Variants in MARCHF1 observed in about 807,000 individuals in gnomAD.
MARCHF1 encodes the protein E3 ubiquitin-protein ligase MARCHF1.
A neutral mutation model predicts 54.2 loss-of-function variants in MARCHF1; 40 were observed. The ratio of observed to expected loss-of-function variants is 0.74; its 90% CI spans 0.57 to 0.96. MARCHF1 has a LOEUF of 0.96. Among genes scored for constraint, MARCHF1 ranks in the 40% least tolerant of loss-of-function variants. The probability of loss-of-function intolerance (pLI) is 0.00; values close to 1 mark genes in which losing one functional copy is unlikely to be tolerated. For synonymous variants in MARCHF1, 236 were observed against 236.3 expected (o/e 1.00, Z 0.01); for missense variants, 586 against 656.5 (o/e 0.89, Z 1.17).
chr4:163,700,232 C>T (rs12502172), intron 5 of MARCHF1, among the ~76,000 whole-genome samples: 46,449 of 151,928 alleles, frequency 0.31, 8,927 homozygotes, highest in Non-Finnish European at 0.44. Context: ...ATTGGCCAGA[C>T]ATGGTGGCTC....
chr4:164,089,027 C>T (rs1452650846), intron 2 of MARCHF1, among the ~76,000 whole-genome samples: 1 of 152,162 alleles, frequency 6.6e-6, no homozygotes, highest in Non-Finnish European at 1.5e-5. Flanking sequence ...AATGATCCTT[C>T]ACATGCTCCT....
chr4:163,789,532 T>C (rs1579288507), intron 4 of MARCHF1, among the ~76,000 whole-genome samples: 1 of 152,096 alleles, frequency 6.6e-6, no homozygotes, highest in Middle Eastern at 3.4e-3. Context: ...AAAATTTTAA[T>C]AAAGACTTTT....
intron 1 of MARCHF1, among the ~76,000 whole-genome samples, chr4:164,113,805 C>A (rs1755884623): frequency 6.6e-6 from 1 of 151,918 alleles, no homozygotes; most frequent in Admixed American, 6.6e-5. Flanking sequence ...TTGGAAAGAA[C>A]AAGGATGTAA....
chr4:164,143,379 C>A (rs1353636571), intron 1 of MARCHF1, among the ~76,000 whole-genome samples: 7 of 146,288 alleles, frequency 4.8e-5, no homozygotes, highest in African/African-American at 1.8e-4. Context: ...GTCAGATTCA[C>A]CAAAGTTGAA....
intron 1 of MARCHF1, among the ~76,000 whole-genome samples, chr4:164,163,312 T>C (rs1730289605): frequency 6.6e-6 from 1 of 151,994 alleles, no homozygotes; most frequent in South Asian, 2.1e-4. Context: ...AAAGACAGCA[T>C]ACAAGTAAGA....
intron 1 of MARCHF1, among the ~76,000 whole-genome samples, chr4:164,118,780 G>A (rs1490131435): frequency 6.6e-6 from 1 of 151,186 alleles, no homozygotes; most frequent in East Asian, 1.9e-4. Context: ...TCTGAAATAA[G>A]AAAGTAAAAT....
At position 163,815,462 on chromosome 4, in the gene MARCHF1, A is replaced by C. The variant is rs898970851; in HGVS notation, c.111+38559T>G. ...TCTTCATTGATTGCATTAAATCATC[A>C]CAACAGGCTTTGATGAGTTTTATCG... On this transcript the variant is annotated intron_variant, in intron 4 of 9. Coordinates refer to ENST00000514618, the MANE Select transcript of MARCHF1 (RefSeq NM_001394959.1). Among the ~76,000 whole-genome samples, 19 of 152,314 alleles carry C rather than the reference A, an allele frequency of 1.2e-4. No homozygotes were observed. In the Middle Eastern group the frequency reaches 0.01, roughly 82 times the overall value.
At chr4:163,794,258 A>G (rs1747851594) in intron 4 of MARCHF1, among the ~76,000 whole-genome samples, 1 of 152,180 alleles carries the variant, frequency 6.6e-6, no homozygotes, top group South Asian at 2.1e-4. Flanking sequence ...TATGTTCCCT[A>G]CATATTCTGC....
intron 3 of MARCHF1, among the ~76,000 whole-genome samples, chr4:163,881,371 T>C (rs962227139): frequency 1.3e-5 from 2 of 152,080 alleles, no homozygotes; most frequent in Non-Finnish European, 2.9e-5. Context: ...CTCAGGAGGC[T>C]GAGGCAGGAG....
At chr4:164,165,518 G>A (rs1470203663) in intron 1 of MARCHF1, among the ~76,000 whole-genome samples, 2 of 151,886 alleles carry the variant, frequency 1.3e-5, no homozygotes, top group Non-Finnish European at 2.9e-5. Context: ...CCAAAATTAT[G>A]AGTAAATAAA....
rs557588637 is a variant in MARCHF1, at chr4:164,088,571, C to T, written c.-248+23017G>A. On this transcript the variant is annotated intron_variant, in intron 2 of 9. Transcript: ENST00000514618. ...TGGGCAACATGGCAAAACTCTGTCT[C>T]TACAAAAAATACAAACTTTGGGCTG... 2.6e-5 allele frequency among the ~76,000 whole-genome samples: 4 copies of T among 152,066 alleles called. 1 individual carries two copies. In the South Asian group the frequency reaches 8.3e-4, roughly 32 times the overall value.
intron 1 of MARCHF1, among the ~76,000 whole-genome samples, chr4:164,205,051 T>C (rs1157282163): frequency 6.6e-6 from 1 of 152,214 alleles, no homozygotes; most frequent in Non-Finnish European, 1.5e-5. Flanking sequence ...AATTCTTATA[T>C]AGTGTTTTAC....
intron 4 of MARCHF1, among the ~76,000 whole-genome samples, chr4:163,718,833 C>T (rs1035476865): frequency 2.0e-5 from 3 of 152,102 alleles, no homozygotes; most frequent in Non-Finnish European, 4.4e-5. Context: ...TAACTCCAAC[C>T]TCATGACTCT....
intron 3 of MARCHF1, among the ~76,000 whole-genome samples, chr4:163,888,212 AC>A (rs1371512936): frequency 6.6e-6 from 1 of 152,192 alleles, no homozygotes; most frequent in Non-Finnish European, 1.5e-5. Flanking sequence ...CAACATATAC[AC>A]CATGGAGTAA....
intron 2 of MARCHF1, among the ~76,000 whole-genome samples, chr4:164,058,863 G>T (rs1468749441): frequency 6.6e-6 from 1 of 152,214 alleles, no homozygotes; most frequent in African/African-American, 2.4e-5. Flanking sequence ...GAGTCACAAT[G>T]ATGCCTGTTG....
At chr4:163,532,185 C>CTTGA (rs1419295272) in intron 9 of MARCHF1, among the ~76,000 whole-genome samples, 1 of 151,788 alleles carries the variant, frequency 6.6e-6, no homozygotes, top group Admixed American at 6.6e-5. Context: ...TGACACTATC[C>CTTGA]TTGATTACTA....
intron 5 of MARCHF1, among the ~76,000 whole-genome samples, chr4:163,669,320 A>C (rs1266044204): frequency 6.6e-6 from 1 of 152,196 alleles, no homozygotes; most frequent in East Asian, 1.9e-4. Flanking sequence ...GCTCATGCCA[A>C]GCAAGTAGTA....
chr4:163,975,917 G>A (rs919351083), intron 3 of MARCHF1, among the ~76,000 whole-genome samples: 2 of 152,142 alleles, frequency 1.3e-5, no homozygotes, highest in Non-Finnish European at 2.9e-5. Context: ...AACTTGGATT[G>A]GATAGAGTCA....
chr4:163,743,686 C>T (rs1746275675), intron 4 of MARCHF1, among the ~76,000 whole-genome samples: 1 of 150,218 alleles, frequency 6.7e-6, no homozygotes, highest in African/African-American at 2.4e-5. Flanking sequence ...TCACGCCATT[C>T]TCCTGCCTCA....
Sources: allele counts gnomAD v4.1 joint callset (sites outside exome capture counted in the v4.1 genomes callset), GRCh38; gene constraint gnomAD v4.1.1; transcripts MANE v1.5; gene names NCBI Gene and HGNC (gene_info 2026-07-23, HGNC 2026-07-21).